The following TPCN1 variants were observed in gnomAD, a reference collection of about 807,000 sequenced individuals.
TPCN1 encodes two pore channel protein 1.
A neutral mutation model predicts 108.8 loss-of-function variants in TPCN1; 52 were observed. That is an observed-to-expected ratio of 0.48 (90% confidence interval 0.38 to 0.60). The LOEUF (loss-of-function observed/expected upper bound fraction) is 0.60, where lower values mean the gene tolerates loss of function less well. Among genes scored for constraint, TPCN1 ranks in the 20% least tolerant of loss-of-function variants. The probability of loss-of-function intolerance (pLI) is 0.00; values close to 1 mark genes in which losing one functional copy is unlikely to be tolerated. For missense variants in TPCN1, 806 were observed against 1,072.8 expected (o/e 0.75, Z 3.47); for synonymous variants, 446 against 433.7 (o/e 1.03, Z -0.35).
chr12:113,279,352 T>TGG, intron 14 of TPCN1, among the ~76,000 whole-genome samples: 1 of 84,648 alleles, frequency 1.2e-5, no homozygotes, highest in African/African-American at 5.2e-5. Flanking sequence ...TATATGTGTG[T>TGG]GTGTGTGTAT....
Position 113,273,218 on chromosome 12 carries a change from C to T in TPCN1, c.784-14C>T, listed in dbSNP as rs765466463. On this transcript the variant is annotated splice_polypyrimidine_tract_variant and intron_variant, in intron 8 of 27. Transcript: ENST00000335509. This position sits in a 1 kb window ranked among gnomAD's most constrained non-coding sequence, Gnocchi z 4.0. Reference sequence around the variant, plus strand: ...TGGCTGGTCCCGACTTCTCTGCCCTCTCTTCCCTTGCAGTACTTCAGCACC... The same window carrying T: ...TGGCTGGTCCCGACTTCTCTGCCCTTTCTTCCCTTGCAGTACTTCAGCACC... 2 of 1,614,164 alleles carry T rather than the reference C, an allele frequency of 1.2e-6. No homozygotes were observed. Among genetic ancestry groups the T allele is most frequent in the South Asian group, 2.2e-5 (2 of 91,088 alleles).
chr12:113,273,095 T>G lies in TPCN1; in HGVS notation c.784-137T>G. Reference sequence around the variant, plus strand: ...TCTGGACTGCATGTTTGCTCTTTCCTCTGCCTCCCTCAGGGATTCCTTGAG... The same window carrying G: ...TCTGGACTGCATGTTTGCTCTTTCCGCTGCCTCCCTCAGGGATTCCTTGAG... On this transcript the variant is annotated intron_variant, in intron 8 of 27. Coordinates refer to ENST00000335509, the MANE Select transcript of TPCN1 (RefSeq NM_017901.6). This position sits in a 1 kb window ranked among gnomAD's most constrained non-coding sequence, Gnocchi z 4.0. The G allele has an allele frequency of 9.0e-6, 7 of 781,698 alleles. 1 individual carries two copies. The South Asian group carries it at 1.0e-4, about 12-fold the overall frequency. The allele number at this position is 781,698 out of a possible 1,614,324, so 48.4% of individuals were successfully genotyped here.
rs371653564 is a variant in TPCN1 at position 113,273,692 on chromosome 12, C to T, written c.942+24C>T. On this transcript the variant is annotated intron_variant, in intron 10 of 27. Transcript: ENST00000335509. This position sits in a 1 kb window ranked among gnomAD's most constrained non-coding sequence, Gnocchi z 4.0. ...TGGTGAGTGACTATGCCTCAGGCTACGCTGAAGCAGCCTGCCCCTACCCAT... is the reference window on the plus strand; with the variant it reads ...TGGTGAGTGACTATGCCTCAGGCTATGCTGAAGCAGCCTGCCCCTACCCAT... The T allele has an allele frequency of 1.7e-4, 271 of 1,582,124 alleles. No homozygotes were observed. Among genetic ancestry groups the T allele is most frequent in the African/African-American group, 6.3e-4 (47 of 74,416 alleles).
intron 24 of TPCN1, 42 bp from the exon 25 acceptor site, chr12:113,291,832 C>A: frequency 1.3e-6 from 2 of 1,492,404 alleles, no homozygotes; most frequent in South Asian, 1.1e-5. Context: ...CCTACCCACC[C>A]TCCTCCCCTG....
chr12:113,235,522 GAA>G (rs947394056), intron 2 of TPCN1, among the ~76,000 whole-genome samples: 2 of 147,920 alleles, frequency 1.4e-5, no homozygotes, highest in Non-Finnish European at 3.0e-5. Flanking sequence ...AAAAAAAAAA[GAA>G]AAAAGTGATT....
At chr12:113,281,463 C>T (rs1284761958) in intron 15 of TPCN1, among the ~76,000 whole-genome samples, 1 of 152,226 alleles carries the variant, frequency 6.6e-6, no homozygotes, top group African/African-American at 2.4e-5. Flanking sequence ...GTCTCACAGT[C>T]CCAGGATAAC....
chr12:113,242,402 G>A (rs1053031970), intron 2 of TPCN1, among the ~76,000 whole-genome samples: 3 of 152,148 alleles, frequency 2.0e-5, no homozygotes, highest in Non-Finnish European at 4.4e-5. Flanking sequence ...GAAAGGTGAG[G>A]GCTTGGCTGC....
intron 1 of TPCN1, among the ~76,000 whole-genome samples, chr12:113,225,822 G>A (rs888724429): frequency 3.3e-5 from 5 of 151,958 alleles, no homozygotes; most frequent in African/African-American, 4.8e-5. Context: ...CCAAAGTGCT[G>A]GGATTACAGG....
intron 1 of TPCN1, among the ~76,000 whole-genome samples, chr12:113,224,383 T>C (rs1046486387): frequency 6.6e-6 from 1 of 152,220 alleles, no homozygotes; most frequent in South Asian, 2.1e-4. Context: ...TACGCACTCA[T>C]TGAGTATTAA....
At chr12:113,241,398 G>T (rs1242696173) in intron 2 of TPCN1, among the ~76,000 whole-genome samples, 3 of 152,256 alleles carry the variant, frequency 2.0e-5, no homozygotes, top group Non-Finnish European at 4.4e-5. Context: ...CGTGGCCAGT[G>T]TTCATGGAAG....
At chr12:113,287,779 CT>C (rs1380371487) in intron 19 of TPCN1, among the ~76,000 whole-genome samples, 1 of 152,228 alleles carries the variant, frequency 6.6e-6, no homozygotes, top group Non-Finnish European at 1.5e-5. Context: ...GTCCCGCCCC[CT>C]GCCACCCTTC....
intron 2 of TPCN1, among the ~76,000 whole-genome samples, chr12:113,252,619 C>G (rs916600609): frequency 1.3e-5 from 2 of 152,188 alleles, no homozygotes; most frequent in African/African-American, 4.8e-5. Context: ...TTTATGTTAC[C>G]TAGGACTCTT....
chr12:113,289,064 A>T lies in TPCN1; in HGVS notation c.1796+217A>T, dbSNP rs376793331. ...TCTCCATCCCCCAGGCAGGGTTGGGAGCTGTCAGCTCACCCTCTGCCGAGG... is the reference window on the plus strand; with the variant it reads ...TCTCCATCCCCCAGGCAGGGTTGGGTGCTGTCAGCTCACCCTCTGCCGAGG... On this transcript the variant is annotated intron_variant, in intron 21 of 27. Transcript: ENST00000335509. This position sits in a 1 kb window ranked among gnomAD's most constrained non-coding sequence, Gnocchi z 4.1. Among the ~76,000 whole-genome samples the T allele has an allele frequency of 3.2e-4, 48 of 152,294 alleles. No individual in the cohort carries two copies. The highest frequency in any genetic ancestry group is 1.1e-3 in the African/African-American group (47 of 41,566).
intron 2 of TPCN1, among the ~76,000 whole-genome samples, chr12:113,253,829 G>A (rs1483512209): frequency 6.6e-6 from 1 of 152,246 alleles, no homozygotes; most frequent in East Asian, 1.9e-4. Flanking sequence ...CATGGAAGGT[G>A]AAAGATAATG....
At chr12:113,270,384 G>C (rs1180377370) in intron 7 of TPCN1, among the ~76,000 whole-genome samples, 1 of 152,146 alleles carries the variant, frequency 6.6e-6, no homozygotes, top group African/African-American at 2.4e-5. Flanking sequence ...TCTGTTGAGG[G>C]CCTATTTCCT....
In TPCN1 at chr12:113,278,806, T is replaced by G; in HGVS notation, c.1268T>G (p.Leu423Arg). The change falls in exon 14 of 28, where the codon CTT becomes CGT. Residue 423 changes from leucine to arginine, a missense_variant. Leu to Arg is a moderately radical substitution (Grantham distance 102). Coordinates refer to ENST00000335509, the MANE Select transcript of TPCN1 (RefSeq NM_017901.6). ...AACAGAGAGCACTGGTTTGATGAGC[T>G]TCCCAGGACGGCGCTCCTCATCTTC... ...KKNREHWFDE[L>R]PRTALLIFKG... 6.2e-7 allele frequency: 1 copy of G among 1,613,876 alleles called. No homozygotes were observed. Among genetic ancestry groups the G allele is most frequent in the South Asian group, 1.1e-5 (1 of 91,074 alleles).
intron 2 of TPCN1, among the ~76,000 whole-genome samples, chr12:113,240,273 T>C (rs1432963193): frequency 2.0e-5 from 3 of 152,196 alleles, no homozygotes; most frequent in Non-Finnish European, 4.4e-5. Context: ...GACACAGAAG[T>C]CTATAAATGG....
intron 15 of TPCN1, among the ~76,000 whole-genome samples, chr12:113,281,856 G>A (rs1955895597): frequency 6.6e-6 from 1 of 151,464 alleles, no homozygotes; most frequent in African/African-American, 2.4e-5. Flanking sequence ...TTAAGGTCAT[G>A]TGGGATAGTT....
chr12:113,253,039 G>C (rs1954706959), intron 2 of TPCN1, among the ~76,000 whole-genome samples: 1 of 152,156 alleles, frequency 6.6e-6, no homozygotes, highest in Non-Finnish European at 1.5e-5. Context: ...TCTGATTCTT[G>C]AGAGGCAAGT....
Sources: gnomAD v4.1 joint callset for allele counts (sites outside exome capture counted in the v4.1 genomes callset) on GRCh38, gnomAD v4.1.1 for gene constraint, Gnocchi (gnomAD v3.1) non-coding constraint, MANE v1.5 for transcripts, NCBI Gene and HGNC (gene_info 2026-07-23, HGNC 2026-07-21) for gene names.